HEPH: variants seen among roughly 807,000 people sequenced by gnomAD.
HEPH encodes hephaestin.
A neutral mutation model predicts 80.8 loss-of-function variants in HEPH; 69 were observed. The ratio of observed to expected loss-of-function variants is 0.85; its 90% CI spans 0.70 to 1.04. The LOEUF is 1.04. HEPH is among the 50% of genes least tolerant of loss of function. The pLI, the probability that HEPH is intolerant of heterozygous loss-of-function variation, is 0.00. For synonymous variants in HEPH, 431 were observed against 322.8 expected, an observed-to-expected ratio of 1.34 and a Z score of -3.60; for missense variants, 1,115 against 891.3, an observed-to-expected ratio of 1.25 and a Z score of -3.20.
At chrX:66,232,539 A>G (rs1208156994) in intron 15 of HEPH, among the ~76,000 whole-genome samples, 1 of 111,064 alleles carries the variant, frequency 9.0e-6, no homozygotes, top group African/African-American at 3.3e-5. Context: ...ATGAAATCCT[A>G]GTGTAGTATT....
At chrX:66,245,484 T>A (rs1178789490) in intron 15 of HEPH, among the ~76,000 whole-genome samples, 2 of 111,150 alleles carry the variant, frequency 1.8e-5, no homozygotes, top group East Asian at 2.8e-4. Context: ...ATAAAGCAAG[T>A]CCTTAGAGAC....
intron 13 of HEPH, among the ~76,000 whole-genome samples, chrX:66,205,921 A>G (rs2088745524): frequency 9.0e-6 from 1 of 111,493 alleles, no homozygotes; most frequent in African/African-American, 3.3e-5. Context: ...GAGGGAGGGA[A>G]GGAGCAGCAG....
At chrX:66,256,020 T>C in intron 16 of HEPH, 85 bp from the exon 17 acceptor site, 1 of 627,621 alleles carries the variant, frequency 1.6e-6, no homozygotes, top group Non-Finnish European at 2.5e-6. Flanking sequence ...AGTGGGCTTG[T>C]ATGAGAAGCT....
chrX:66,224,941 C>T (rs1030972872), intron 15 of HEPH, among the ~76,000 whole-genome samples: 1 of 109,707 alleles, frequency 9.1e-6, no homozygotes, highest in Admixed American at 9.8e-5. Context: ...TTCTCTCTCT[C>T]TCTGCTGATC....
intron 15 of HEPH, among the ~76,000 whole-genome samples, chrX:66,209,665 T>A (rs2089005779): frequency 8.9e-6 from 1 of 111,857 alleles, no homozygotes; most frequent in South Asian, 3.7e-4. Flanking sequence ...TTAATTGGAT[T>A]TTGAAGGTGA....
intron 4 of HEPH, among the ~76,000 whole-genome samples, chrX:66,174,623 C>A (rs762962239): frequency 8.9e-6 from 1 of 112,076 alleles, no homozygotes; most frequent in African/African-American, 3.2e-5. Context: ...TACATTCCCA[C>A]CAACAGTGTA....
At chrX:66,190,327 G>T (rs1569307825) in intron 6 of HEPH, among the ~76,000 whole-genome samples, 1 of 111,373 alleles carries the variant, frequency 9.0e-6, no homozygotes, top group African/African-American at 3.3e-5. Flanking sequence ...TTCTGTAGGA[G>T]ATCATGGTGT....
intron 15 of HEPH, among the ~76,000 whole-genome samples, chrX:66,219,961 G>A (rs867428030): frequency 2.7e-5 from 3 of 111,709 alleles, no homozygotes; most frequent in Non-Finnish European, 3.8e-5. Flanking sequence ...CCACTAGGTG[G>A]CTGTTTTTGT....
intron 6 of HEPH, among the ~76,000 whole-genome samples, chrX:66,190,157 A>G (rs1001219827): frequency 1.3e-4 from 14 of 108,237 alleles, no homozygotes; most frequent in African/African-American, 4.0e-4. Context: ...TCTGTGTTTA[A>G]TCTTCCCCAT....
At chrX:66,168,241 A>C (rs760064016) in intron 1 of HEPH, among the ~76,000 whole-genome samples, 9 of 112,079 alleles carry the variant, frequency 8.0e-5, no homozygotes, top group Non-Finnish European at 1.5e-4. Flanking sequence ...TTGGAGTAGG[A>C]ATATAGAAAG....
chrX:66,170,647 G>A lies in HEPH; in HGVS notation c.77G>A (p.Arg26Gln), dbSNP rs745974085. 4.1e-6 allele frequency: 5 copies of A among 1,208,390 alleles called. No homozygotes were observed. The highest frequency in any genetic ancestry group is 5.6e-6 in the Non-Finnish European group (5 of 894,118). Reference protein sequence around the residue: ...LWPQLTDGATRVYYLGIRDVQ... With the variant: ...LWPQLTDGATQVYYLGIRDVQ... The stretch of plus-strand genomic sequence containing the variant: ...CCTCAACTGACTGATGGAGCCACTC[G>A]AGTCTACTACCTGGGCATCCGGGAT... Residue 26 changes from arginine to glutamine, a missense_variant, in exon 2 of 21, where the codon CGA (arginine) becomes CAA (glutamine). Arg to Gln is a conservative substitution (Grantham distance 43). This residue lies in a region of HEPH where 391 missense variants were observed against 343.6 expected (regional missense o/e 1.14). Transcript: ENST00000343002.
intron 15 of HEPH, among the ~76,000 whole-genome samples, chrX:66,219,837 A>T (rs1419624814): frequency 9.0e-6 from 1 of 110,843 alleles, no homozygotes; most frequent in African/African-American, 3.3e-5. Flanking sequence ...TATGCCCACA[A>T]ATCCAGTATA....
intron 19 of HEPH, among the ~76,000 whole-genome samples, chrX:66,263,010 G>A (rs2198868): frequency 0.62 from 67,721 of 109,472 alleles, 18,363 homozygotes; most frequent in East Asian, 1. Context: ...GTATTTGATG[G>A]GTCAGCACCC....
rs192236478 is a variant in HEPH, at chrX:66,214,845, T to C, written c.2563+6599T>C. Reference sequence around the variant, plus strand: ...AATCAGTCTCCAATCTATTCTGTTATATTTGTCAATTCAGTTCTTGCAATA... The same window carrying C: ...AATCAGTCTCCAATCTATTCTGTTACATTTGTCAATTCAGTTCTTGCAATA... On this transcript the variant is annotated intron_variant, in intron 15 of 20. Coordinates refer to ENST00000343002, the MANE Select transcript of HEPH (RefSeq NM_001367233.3). Among the ~76,000 whole-genome samples, 10 of 111,696 alleles carry C rather than the reference T, an allele frequency of 9.0e-5. No homozygotes were observed. The East Asian group carries it at 2.8e-3, about 31-fold the overall frequency.
intron 9 of HEPH, 141 bp downstream of exon 9, chrX:66,195,370 T>C (rs2088028981): frequency 2.4e-6 from 1 of 408,793 alleles, no homozygotes; most frequent in South Asian, 1.5e-4. Flanking sequence ...ATGAATAATA[T>C]AATAGTAAAA....
At chrX:66,180,536 A>G (rs1446118730) in intron 4 of HEPH, among the ~76,000 whole-genome samples, 1 of 109,314 alleles carries the variant, frequency 9.1e-6, no homozygotes. Context: ...CACAGCTCTT[A>G]AGATTCTTTC....
chrX:66,232,916 T>G (rs1328066157), intron 15 of HEPH, among the ~76,000 whole-genome samples: 1 of 110,059 alleles, frequency 9.1e-6, no homozygotes, highest in African/African-American at 3.3e-5. Flanking sequence ...TTGGACTTAA[T>G]GGGCCCAATT....
At chrX:66,205,216 CCATCA>C (rs1247687383) in intron 13 of HEPH, among the ~76,000 whole-genome samples, 2 of 111,560 alleles carry the variant, frequency 1.8e-5, no homozygotes, top group Non-Finnish European at 3.8e-5. Flanking sequence ...GGTACAGATC[CCATCA>C]CATAGGTAGT....
At chrX:66,187,174 C>G (rs187292941) in intron 4 of HEPH, among the ~76,000 whole-genome samples, 1 of 110,725 alleles carries the variant, frequency 9.0e-6, no homozygotes, top group Admixed American at 9.7e-5. Context: ...TTATTATTTC[C>G]TTTCACTGGG....
Sources: gnomAD v4.1 joint callset for allele counts (sites outside exome capture counted in the v4.1 genomes callset) on GRCh38, gnomAD v4.1.1 for gene constraint, gnomAD v4.1.1 regional missense constraint, MANE v1.5 for transcripts, NCBI Gene and HGNC (gene_info 2026-07-23, HGNC 2026-07-21) for gene names.